The following KCNMA1 variants were observed in gnomAD, a reference collection of about 807,000 sequenced individuals.
KCNMA1 encodes Calcium-activated potassium channel subunit alpha-1.
KCNMA1 carries 29 observed loss-of-function variants against 140.0 expected under a neutral mutation model. That is an observed-to-expected ratio of 0.21 (90% CI 0.15 to 0.28). KCNMA1 has a LOEUF of 0.28. Ranked by LOEUF, KCNMA1 falls within the 10% of genes least tolerant of loss-of-function variation. KCNMA1 has a pLI of 1.00. For synonymous variants in KCNMA1, 612 were observed against 611.9 expected, an observed-to-expected ratio of 1.00 and a Z score of 0.00; for missense variants, 880 against 1,602.2, an observed-to-expected ratio of 0.55 and a Z score of 7.70.
intron 5 of KCNMA1, among the ~76,000 whole-genome samples, chr10:77,132,003 G>T (rs2097871961): frequency 6.8e-6 from 1 of 146,792 alleles, no homozygotes. Context: ...GGGAAGAAAA[G>T]AACTAAAGAA....
chr10:77,341,938 A>AACCC (rs1427467285), intron 2 of KCNMA1, among the ~76,000 whole-genome samples: 2 of 152,176 alleles, frequency 1.3e-5, no homozygotes, highest in African/African-American at 4.8e-5. Flanking sequence ...GCATAATCCT[A>AACCC]ACCCACCATG....
At chr10:76,976,457 A>G (rs535911112) in intron 19 of KCNMA1, among the ~76,000 whole-genome samples, 5 of 152,360 alleles carry the variant, frequency 3.3e-5, no homozygotes, top group Non-Finnish European at 5.9e-5. Flanking sequence ...ATATAAATAT[A>G]TGAACAGAAT....
Position 77,637,725 on chromosome 10 carries a change from T to G in KCNMA1, c.-83A>C. 7.5e-7 allele frequency: 1 copy of G among 1,340,900 alleles called. No homozygotes were observed. Among genetic ancestry groups the G allele is most frequent in the Non-Finnish European group, 9.4e-7 (1 of 1,059,270 alleles). 83.1% of individuals were successfully genotyped at this position (1,340,900 alleles called of 1,614,324 possible). ...CACCCCAAACACCCATCAACAGCCA[T>G]ATTGCTGCTACTGCTGCCGCCGCCG... On this transcript the variant is annotated 5_prime_UTR_variant, in exon 1 of 28. An upstream start codon of the reference 5' UTR is lost. Transcript: ENST00000286628.
chr10:76,915,069 G>C lies in KCNMA1; in HGVS notation c.2903-20C>G, dbSNP rs768508068. The C allele has an allele frequency of 4.5e-6, 7 of 1,567,660 alleles. No individual in the cohort carries two copies. In the East Asian group the frequency reaches 1.1e-4, roughly 25 times the overall value. On this transcript the variant is annotated intron_variant, in intron 23 of 27. Coordinates refer to ENST00000286628, the MANE Select transcript of KCNMA1 (RefSeq NM_001161352.2). ...TGAACCCTAGTGGGAAGGAAACAGA[G>C]GAGGAAGAAAAATCAGAGAAGTAGA...
intron 25 of KCNMA1, among the ~76,000 whole-genome samples, chr10:76,900,926 T>C (rs1218412305): frequency 6.6e-6 from 1 of 150,938 alleles, no homozygotes; most frequent in East Asian, 1.9e-4. Flanking sequence ...TACATTTGCC[T>C]CAATATAATA....
chr10:77,373,733 C>T (rs763431792), intron 2 of KCNMA1: 3 of 152,142 alleles, frequency 2.0e-5, no homozygotes, highest in Non-Finnish European at 4.4e-5. Flanking sequence ...AGGTGGTTTC[C>T]ATTTTCACTC....
intron 25 of KCNMA1, among the ~76,000 whole-genome samples, chr10:76,898,175 A>C (rs1440677375): frequency 6.6e-6 from 1 of 151,958 alleles, no homozygotes; most frequent in East Asian, 1.9e-4. Context: ...TTCAAATGCC[A>C]AAATCAAACT....
exon 30 of KCNMA1, chr10:76,877,848 C>A (rs1020723370): frequency 1.2e-6 from 2 of 1,609,652 alleles, no homozygotes; most frequent in Admixed American, 3.4e-5. Flanking sequence ...TTGAATGTTT[C>A]TGGGATAGGC....
At position 77,079,526 on chromosome 10, in the gene KCNMA1, A is replaced by G; in HGVS notation, c.1548T>C (p.His516=). 1 of 1,612,044 alleles carries G rather than the reference A, an allele frequency of 6.2e-7. No individual in the cohort carries two copies. The highest frequency in any genetic ancestry group is 2.2e-5 in the East Asian group (1 of 44,870). ...IMRVISIKNY[H]PKIRIITQML... ...TTTGAGTGATGATTCTTATCTTCGG[A>G]TGGTAGTTCTTTATGGAGATTACTC... The change falls in exon 13 of 28, where the codon CAT becomes CAC. Residue 516 remains histidine (H), a synonymous_variant. Coordinates refer to ENST00000286628, the MANE Select transcript of KCNMA1 (RefSeq NM_001161352.2).
At chr10:77,185,664 C>G (rs2098843843) in intron 3 of KCNMA1, among the ~76,000 whole-genome samples, 1 of 151,598 alleles carries the variant, frequency 6.6e-6, no homozygotes, top group Admixed American at 6.6e-5. Flanking sequence ...AATGCAAACC[C>G]CTAGCACACT....
intron 23 of KCNMA1, among the ~76,000 whole-genome samples, chr10:76,923,151 A>G (rs1398130089): frequency 6.6e-6 from 1 of 152,222 alleles, no homozygotes; most frequent in East Asian, 1.9e-4. Context: ...AATTAAACCA[A>G]CCAAACAAAC....
intron 2 of KCNMA1, among the ~76,000 whole-genome samples, chr10:77,316,985 C>T (rs1032901300): frequency 3.9e-5 from 6 of 152,146 alleles, no homozygotes; most frequent in Non-Finnish European, 7.3e-5. Context: ...GGGTCATGCC[C>T]TCATTCATAA....
At chr10:77,110,084 CA>C (rs2097286843) in intron 8 of KCNMA1, 88 bp downstream of exon 8, 1 of 1,143,570 alleles carries the variant, frequency 8.7e-7, no homozygotes, top group Non-Finnish European at 1.3e-6. Context: ...GTGCAGAATA[CA>C]GTCTAAAATA....
intron 2 of KCNMA1, among the ~76,000 whole-genome samples, chr10:77,334,501 C>T (rs370342557): frequency 6.6e-6 from 1 of 152,174 alleles, no homozygotes; most frequent in African/African-American, 2.4e-5. Context: ...ACATCATCTT[C>T]TTCATTACCA....
chr10:77,349,299 C>T (rs555670236), intron 2 of KCNMA1, among the ~76,000 whole-genome samples: 10 of 152,290 alleles, frequency 6.6e-5, no homozygotes, highest in African/African-American at 2.4e-4. Flanking sequence ...ATGAACCAGA[C>T]AGCGGGCCCT....
At chr10:77,617,135 T>G (rs2089851745) in intron 1 of KCNMA1, among the ~76,000 whole-genome samples, 1 of 152,236 alleles carries the variant, frequency 6.6e-6, no homozygotes, top group African/African-American at 2.4e-5. Flanking sequence ...AGCAGTGAAC[T>G]GTTGAACTTA....
chr10:77,226,447 A>ACGTC (rs1293264919), intron 3 of KCNMA1, among the ~76,000 whole-genome samples: 1 of 151,586 alleles, frequency 6.6e-6, no homozygotes, highest in Non-Finnish European at 1.5e-5. Flanking sequence ...TCACTGGGAG[A>ACGTC]CGTCCTATTT....
intron 1 of KCNMA1, among the ~76,000 whole-genome samples, chr10:77,434,137 C>T (rs2097207033): frequency 6.6e-6 from 1 of 152,238 alleles, no homozygotes; most frequent in South Asian, 2.1e-4. Flanking sequence ...CCACAGTCCC[C>T]ACTAACTACA....
At chr10:76,928,299 A>G (rs1424291554) in intron 23 of KCNMA1, among the ~76,000 whole-genome samples, 1 of 73,456 alleles carries the variant, frequency 1.4e-5, no homozygotes, top group East Asian at 2.1e-4. Flanking sequence ...GCACACACAC[A>G]CACACACACA....
Sources: allele counts gnomAD v4.1 joint callset (sites outside exome capture counted in the v4.1 genomes callset), GRCh38; gene constraint gnomAD v4.1.1; transcripts MANE v1.5; gene names NCBI Gene and HGNC (gene_info 2026-07-23, HGNC 2026-07-21).